Variants in MRTFB observed in about 807,000 individuals in gnomAD.
MRTFB encodes the protein myocardin related transcription factor B, also known as myocardin-related transcription factor B.
MRTFB carries 29 observed loss-of-function variants against 104.2 expected under a neutral mutation model. That is an observed-to-expected ratio of 0.28 (90% confidence interval 0.21 to 0.38). The LOEUF is 0.38. MRTFB is among the 10% of genes least tolerant of loss of function. The pLI, the probability that MRTFB is intolerant of heterozygous loss-of-function variation, is 1.00. For missense variants in MRTFB, 1,270 were observed against 1,341.6 expected (o/e 0.95, Z 0.83); for synonymous variants, 535 against 519.5 (o/e 1.03, Z -0.41).
chr16:14,092,307 CTA>C (rs1212958536), intron 2 of MRTFB, among the ~76,000 whole-genome samples: 1 of 152,110 alleles, frequency 6.6e-6, no homozygotes, highest in Non-Finnish European at 1.5e-5. Context: ...CAGTATATAT[CTA>C]TGTACGAATG....
At position 14,196,964 on chromosome 16, in the gene MRTFB, C is replaced by CTTTT. The variant is rs35259229; in HGVS notation, c.155-13259_155-13256dup. ...AGTACTTTAGTGCTTTCTCTTTTTTCTTTTTTTTTTTTTTTTTTTTTTTGA... is the reference window on the plus strand; with the variant it reads ...AGTACTTTAGTGCTTTCTCTTTTTTCTTTTTTTTTTTTTTTTTTTTTTTTTTTGA... On this transcript the variant is annotated intron_variant, in intron 3 of 16. Transcript: ENST00000571589. Among the ~76,000 whole-genome samples, 37 of 103,180 alleles carry CTTTT rather than the reference C, an allele frequency of 3.6e-4. 1 individual carries two copies. The highest frequency in any genetic ancestry group is 7.0e-4 in the South Asian group (2 of 2,868). The allele number at this position is 103,180 out of a possible 152,430, so 67.7% of individuals were successfully genotyped here.
chr16:14,101,958 G>C (rs1045691192), intron 2 of MRTFB, among the ~76,000 whole-genome samples: 1 of 152,042 alleles, frequency 6.6e-6, no homozygotes, highest in Admixed American at 6.6e-5. Context: ...TTAAATCAAG[G>C]TACTATATTT....
intron 3 of MRTFB, among the ~76,000 whole-genome samples, chr16:14,174,832 C>G (rs1418476924): frequency 1.3e-5 from 2 of 152,178 alleles, no homozygotes; most frequent in Admixed American, 6.5e-5. Context: ...TTGTCAGTCA[C>G]AGCTCATTGC....
At chr16:14,137,075 C>T (rs1379524148) in intron 2 of MRTFB, among the ~76,000 whole-genome samples, 1 of 151,990 alleles carries the variant, frequency 6.6e-6, no homozygotes, top group African/African-American at 2.4e-5. Flanking sequence ...TGTTCTAGTG[C>T]CATTTCTTTA....
At chr16:14,133,245 G>C (rs1289554485) in intron 2 of MRTFB, among the ~76,000 whole-genome samples, 1 of 152,166 alleles carries the variant, frequency 6.6e-6, no homozygotes, top group Non-Finnish European at 1.5e-5. Context: ...CAAATGAACT[G>C]ATATTTATGC....
the MRTFB span, among the ~76,000 whole-genome samples, chr16:14,011,621 C>G: frequency 6.6e-6 from 1 of 152,172 alleles, no homozygotes; most frequent in Non-Finnish European, 1.5e-5. Flanking sequence ...TGTGGTGGCT[C>G]ACGCCTGTAA....
Position 14,177,022 on chromosome 16 carries a change from G to A in MRTFB, c.155-33221G>A, listed in dbSNP as rs1296514484. 2.6e-5 allele frequency among the ~76,000 whole-genome samples: 4 copies of A among 152,320 alleles called. No homozygotes were observed. Among genetic ancestry groups the A allele is most frequent in the East Asian group, 3.9e-4 (2 of 5,186 alleles). ...TGAAGATTGTTTAAGTACAGTTTCC[G>A]TGGGCAGAGATAGGGAATAGGGAAA... On this transcript the variant is annotated intron_variant, in intron 3 of 16. Coordinates refer to ENST00000571589, the MANE Select transcript of MRTFB (RefSeq NM_001308142.2). The surrounding 1 kb of genome is among the most constrained non-coding windows in gnomAD (Gnocchi z 4.7).
At chr16:14,256,186 C>A (rs1183570207) in intron 15 of MRTFB, among the ~76,000 whole-genome samples, 90 of 72,234 alleles carry the variant, frequency 1.2e-3, no homozygotes, top group African/African-American at 4.3e-3. Context: ...GAAAGAAAAA[C>A]AGGATAACAA....
chr16:14,107,912 T>G (rs746805260), intron 2 of MRTFB, among the ~76,000 whole-genome samples: 4 of 152,174 alleles, frequency 2.6e-5, no homozygotes, highest in Non-Finnish European at 5.9e-5. Flanking sequence ...TATCGTCTTC[T>G]CCAAGTGTCT....
intron 4 of MRTFB, among the ~76,000 whole-genome samples, chr16:14,211,771 T>A (rs1390152772): frequency 6.6e-6 from 1 of 152,108 alleles, no homozygotes; most frequent in East Asian, 1.9e-4. Context: ...AATTCAAAAT[T>A]CTAGATTTAA....
chr16:14,240,695 C>T (rs1308413440), intron 10 of MRTFB: 2 of 888,554 alleles, frequency 2.3e-6, no homozygotes, highest in Non-Finnish European at 3.8e-6. Flanking sequence ...AAAATAGGTT[C>T]TGAATTTTTA....
At chr16:14,176,631 A>G (rs984377374) in intron 3 of MRTFB, among the ~76,000 whole-genome samples, 1 of 152,194 alleles carries the variant, frequency 6.6e-6, no homozygotes, top group African/African-American at 2.4e-5. Flanking sequence ...AAATCATACT[A>G]AGTTAAAAAA....
At chr16:14,121,229 A>T (rs1596947052) in intron 2 of MRTFB, among the ~76,000 whole-genome samples, 2 of 139,248 alleles carry the variant, frequency 1.4e-5, no homozygotes, top group African/African-American at 2.7e-5. Context: ...ATTGAGCTTT[A>T]GGCTTATTTT....
chr16:14,157,938 A>G (rs2038886945), intron 3 of MRTFB, among the ~76,000 whole-genome samples: 2 of 152,174 alleles, frequency 1.3e-5, no homozygotes, highest in Admixed American at 1.3e-4. Flanking sequence ...ATTGGCCCAA[A>G]TGTTTGAAAA....
intron 2 of MRTFB, among the ~76,000 whole-genome samples, chr16:14,101,918 C>T (rs1402801033): frequency 6.6e-6 from 1 of 151,518 alleles, no homozygotes; most frequent in Admixed American, 6.6e-5. Flanking sequence ...TCTCAGTGTC[C>T]CTATTAGAAA....
intron 2 of MRTFB, among the ~76,000 whole-genome samples, chr16:14,131,700 A>T (rs567760408): frequency 6.6e-6 from 1 of 152,172 alleles, no homozygotes; most frequent in Non-Finnish European, 1.5e-5. Flanking sequence ...AAGAAATTCA[A>T]CATCATTAGT....
At chr16:14,144,649 G>A (rs1332954178) in intron 3 of MRTFB, 3 of 151,954 alleles carry the variant, frequency 2.0e-5, no homozygotes, top group African/African-American at 4.8e-5. Context: ...AAAAGTACAT[G>A]ATAAATATAT....
chr16:14,247,266 G>T lies in MRTFB; in HGVS notation c.2006G>T (p.Gly669Val), dbSNP rs766040866. 3 of 1,614,188 alleles carry T rather than the reference G, an allele frequency of 1.9e-6. No homozygotes were observed. In the South Asian group the frequency reaches 3.3e-5, roughly 18 times the overall value. The change falls in exon 12 of 17, where the codon GGC becomes GTC. Residue 669 changes from glycine to valine, a missense_variant. Gly to Val is a moderately radical substitution (Grantham distance 109). Transcript: ENST00000571589. The part of the protein sequence containing the change: ...HAVGQPVSTG[G>V]QTLVAKKAVV... ...GTAGGCCAGCCCGTCTCTACAGGTG[G>T]CCAGACCCTTGTTGCCAAAAAGGCT...
chr16:14,091,732 C>T (rs1363290606), intron 2 of MRTFB, among the ~76,000 whole-genome samples: 2 of 152,000 alleles, frequency 1.3e-5, no homozygotes, highest in Non-Finnish European at 2.9e-5. Flanking sequence ...TGGTGGCTCA[C>T]ACCTGTAATC....
Sources: gnomAD v4.1 joint callset for allele counts (sites outside exome capture counted in the v4.1 genomes callset) on GRCh38, gnomAD v4.1.1 for gene constraint, Gnocchi (gnomAD v3.1) non-coding constraint, MANE v1.5 for transcripts, NCBI Gene and HGNC (gene_info 2026-07-23, HGNC 2026-07-21) for gene names.